Variants in CHLSN observed in about 807,000 individuals in gnomAD.
CHLSN encodes the protein cholesin.
At chr7:988,170 G>C in the CHLSN span, 1 of 1,309,720 alleles carries the variant, frequency 7.6e-7, no homozygotes. Context: ...CTAACACCAG[G>C]TGTGGTGGGT....
At chr7:1,040,744 C>T in the CHLSN span, among the ~76,000 whole-genome samples, 195 of 151,578 alleles carry the variant, frequency 1.3e-3, no homozygotes, top group East Asian at 0.018. Flanking sequence ...AGAAAACAGC[C>T]TTTTCTCTGC....
At chr7:1,048,040 CA>C in the CHLSN span, among the ~76,000 whole-genome samples, 100,427 of 151,988 alleles carry the variant, frequency 0.66, 34,721 homozygotes, top group African/African-American at 0.87. Flanking sequence ...CTTAACCCAG[CA>C]AAGACTGGCG....
At chr7:1,000,259 C>T in the CHLSN span, among the ~76,000 whole-genome samples, 35 of 152,134 alleles carry the variant, frequency 2.3e-4, no homozygotes, top group African/African-American at 8.2e-4. Context: ...CCGCCGTGCA[C>T]AGACCTCAGC....
At chr7:1,048,615 G>A in the CHLSN span, among the ~76,000 whole-genome samples, 1 of 152,156 alleles carries the variant, frequency 6.6e-6, no homozygotes, top group Non-Finnish European at 1.5e-5. Flanking sequence ...TCACCTCACT[G>A]CTCACAGACA....
the CHLSN span, among the ~76,000 whole-genome samples, chr7:1,112,512 C>T: frequency 1.3e-5 from 2 of 152,322 alleles, no homozygotes; most frequent in African/African-American, 4.8e-5. Flanking sequence ...CCTCCTCGGA[C>T]AGGAACACCG....
the CHLSN span, among the ~76,000 whole-genome samples, chr7:1,006,404 T>C: frequency 0.037 from 989 of 26,652 alleles, no homozygotes; most frequent in Middle Eastern, 0.17. Flanking sequence ...ACGACGGCCA[T>C]ACTGCAGGGA....
the CHLSN span, among the ~76,000 whole-genome samples, chr7:1,051,177 C>T: frequency 3.9e-5 from 6 of 152,242 alleles, no homozygotes; most frequent in African/African-American, 1.4e-4. Flanking sequence ...CTTCCTGTCA[C>T]TCAGAGAAGC....
chr7:1,091,407 G>A, the CHLSN span: 1 of 285,112 alleles, frequency 3.5e-6, no homozygotes, highest in Non-Finnish European at 6.6e-6. Flanking sequence ...GCTTCTCCAG[G>A]TACCCAGAGA....
the CHLSN span, among the ~76,000 whole-genome samples, chr7:1,014,820 G>A: frequency 7.4e-5 from 10 of 135,202 alleles, no homozygotes; most frequent in Non-Finnish European, 4.7e-5. Flanking sequence ...CCACGGCAGC[G>A]TTCCGGTTGG....
At chr7:978,458 G>A in the CHLSN span, among the ~76,000 whole-genome samples, 2 of 152,196 alleles carry the variant, frequency 1.3e-5, no homozygotes. Context: ...GGTCGAGGCT[G>A]CAGTGAACCA....
the CHLSN span, chr7:988,256 G>C: frequency 6.4e-7 from 1 of 1,561,002 alleles, no homozygotes; most frequent in Non-Finnish European, 8.7e-7. Context: ...CCCTCTCTCT[G>C]TGCCCCGGCT....
the CHLSN span, among the ~76,000 whole-genome samples, chr7:1,134,832 G>A: frequency 1.3e-5 from 2 of 152,122 alleles, no homozygotes; most frequent in Admixed American, 6.5e-5. Flanking sequence ...AGCCGAGATC[G>A]CACCACTGCA....
the CHLSN span, among the ~76,000 whole-genome samples, chr7:1,080,209 A>G: frequency 6.6e-6 from 1 of 152,188 alleles, no homozygotes; most frequent in East Asian, 1.9e-4. Flanking sequence ...AATCCTAGCG[A>G]TCCACCCAAA....
chr7:1,053,105 C>T, the CHLSN span, among the ~76,000 whole-genome samples: 1 of 152,230 alleles, frequency 6.6e-6, no homozygotes, highest in Non-Finnish European at 1.5e-5. Flanking sequence ...TCTCCAGTTC[C>T]AGGATGCCCT....
At chr7:997,894 C>A in the CHLSN span, 48 of 1,268,864 alleles carry the variant, frequency 3.8e-5, no homozygotes, top group African/African-American at 4.6e-5. Context: ...CAAGGACACC[C>A]GGGCCTCAGG....
the CHLSN span, among the ~76,000 whole-genome samples, chr7:1,111,570 C>T: frequency 2.6e-5 from 4 of 152,196 alleles, no homozygotes; most frequent in South Asian, 4.1e-4. Flanking sequence ...GAGGCCAAGG[C>T]GAGAGGATCG....
the CHLSN span, among the ~76,000 whole-genome samples, chr7:1,062,843 A>C: frequency 6.6e-6 from 1 of 152,192 alleles, no homozygotes; most frequent in Non-Finnish European, 1.5e-5. Context: ...CTAGGCAGGA[A>C]GCATAACGTG....
the CHLSN span, among the ~76,000 whole-genome samples, chr7:1,069,266 G>A: frequency 6.6e-6 from 1 of 152,204 alleles, no homozygotes; most frequent in Non-Finnish European, 1.5e-5. Flanking sequence ...GGGAGGCAGA[G>A]GTTGCGGTGA....
chr7:1,053,347 C>T, the CHLSN span, among the ~76,000 whole-genome samples: 22 of 152,338 alleles, frequency 1.4e-4, no homozygotes, highest in African/African-American at 4.3e-4. Flanking sequence ...CAGAACCTTG[C>T]GCAGGACAGG....
Sources: gnomAD v4.1 joint callset for allele counts (sites outside exome capture counted in the v4.1 genomes callset) on GRCh38, gnomAD v4.1.1 for gene constraint, MANE v1.5 for transcripts, NCBI Gene and HGNC (gene_info 2026-07-23, HGNC 2026-07-21) for gene names.